Variants in PROM1 observed in about 807,000 individuals in gnomAD.
PROM1 encodes the protein prominin 1.
PROM1 carries 105 observed loss-of-function variants against 116.9 expected under a neutral mutation model. The ratio of observed to expected loss-of-function variants is 0.90; its 90% CI spans 0.77 to 1.06. PROM1 has a LOEUF of 1.06. Ranked by LOEUF, PROM1 falls within the 50% of genes least tolerant of loss-of-function variation. PROM1 has a pLI of 0.00. For missense variants in PROM1, 1,122 were observed against 1,045.2 expected (o/e 1.07, Z -1.01); for synonymous variants, 393 against 387.0 (o/e 1.02, Z -0.18).
At chr4:16,058,105 T>C (rs1454856895) in intron 2 of PROM1, among the ~76,000 whole-genome samples, 14 of 152,090 alleles carry the variant, frequency 9.2e-5, no homozygotes, top group Non-Finnish European at 1.5e-5. Context: ...AATCAACAAA[T>C]GCCTCAACAA....
In PROM1 at chr4:16,060,691, T is replaced by C. The variant is rs555030441; in HGVS notation, c.220+14996A>G. ...CCAAACGAATGAATGAATGGTGGCA[T>C]ACAAAACTTGGTGATCATTAATTAC... On this transcript the variant is annotated intron_variant, in intron 2 of 27. Coordinates refer to ENST00000447510, the MANE Select transcript of PROM1 (RefSeq NM_006017.3). 2.6e-4 allele frequency among the ~76,000 whole-genome samples: 40 copies of C among 152,344 alleles called. 1 individual carries two copies. The highest frequency in any genetic ancestry group is 2.0e-4 in the Admixed American group (3 of 15,304).
chr4:16,031,622 A>T (rs1458486348), intron 5 of PROM1, among the ~76,000 whole-genome samples: 1 of 152,162 alleles, frequency 6.6e-6, no homozygotes, highest in African/African-American at 2.4e-5. Flanking sequence ...TGACAGAAAA[A>T]TACAGAGAGG....
Position 16,018,511 on chromosome 4 carries a change from T to A in PROM1, c.814A>T (p.Asn272Tyr). 6.2e-7 allele frequency: 1 copy of A among 1,611,410 alleles called. No individual in the cohort carries two copies. Among genetic ancestry groups the A allele is most frequent in the Non-Finnish European group, 8.5e-7 (1 of 1,179,344 alleles). Residue 272 changes from asparagine (N) to tyrosine (Y), a missense_variant, in exon 9 of 28, where the codon AAC (asparagine) becomes TAC (tyrosine). By Grantham distance (143) the Asn-to-Tyr change is moderately radical (BLOSUM62 -2). Transcript: ENST00000447510. ...AAGCTCTTCAAGGTGCTGTTCATGT[T>A]CTCCAACGCCTCTTTGGTCTCCTTG... ...AIKETKEALE[N>Y]MNSTLKSLHQ...
intron 26 of PROM1, among the ~76,000 whole-genome samples, chr4:15,977,661 C>T (rs978431945): frequency 1.3e-5 from 2 of 152,172 alleles, no homozygotes; most frequent in African/African-American, 4.8e-5. Flanking sequence ...TGCAGTGGCA[C>T]GATCTCAGCT....
intron 5 of PROM1, among the ~76,000 whole-genome samples, chr4:16,032,395 G>C (rs188931117): frequency 6.4e-4 from 97 of 152,182 alleles, no homozygotes; most frequent in African/African-American, 2.3e-3. Flanking sequence ...AGGACTTACT[G>C]TTTTCTGTTA....
chr4:16,011,954 T>G (rs1726972975), intron 11 of PROM1, among the ~76,000 whole-genome samples: 1 of 152,234 alleles, frequency 6.6e-6, no homozygotes, highest in South Asian at 2.1e-4. Flanking sequence ...AAATAGAAGA[T>G]AGCTTTACAT....
intron 13 of PROM1, among the ~76,000 whole-genome samples, chr4:16,001,343 G>C (rs1220768078): frequency 6.6e-6 from 1 of 152,176 alleles, no homozygotes; most frequent in Non-Finnish European, 1.5e-5. Flanking sequence ...GACTGTGTAG[G>C]AGTCAGTATG....
At position 15,974,088 on chromosome 4, in the gene PROM1, C is replaced by T. The variant is rs546946192; in HGVS notation, c.2583-3006G>A. Among the ~76,000 whole-genome samples the T allele has an allele frequency of 4.1e-5, 6 of 146,480 alleles. No individual in the cohort carries two copies. In the South Asian group the frequency reaches 1.4e-3, roughly 33 times the overall value. On this transcript the variant is annotated intron_variant, in intron 26 of 27. Transcript: ENST00000447510. ...AAGTTTACACACACACATACAGACA[C>T]ACACACACAGACACACACACTCTCT...
At chr4:16,014,942 A>G (rs181449142) in intron 10 of PROM1, among the ~76,000 whole-genome samples, 1 of 152,252 alleles carries the variant, frequency 6.6e-6, no homozygotes, top group Non-Finnish European at 1.5e-5. Context: ...GGAGACATTA[A>G]AGAAATAATT....
intron 8 of PROM1, among the ~76,000 whole-genome samples, chr4:16,020,933 T>C (rs1284667792): frequency 1.3e-5 from 2 of 152,106 alleles, no homozygotes; most frequent in Non-Finnish European, 2.9e-5. Flanking sequence ...GGAAAAGATA[T>C]CTAAGGTTCT....
intron 2 of PROM1, among the ~76,000 whole-genome samples, chr4:16,071,269 ACTTT>A (rs906291692): frequency 6.6e-6 from 1 of 152,166 alleles, no homozygotes; most frequent in Non-Finnish European, 1.5e-5. Flanking sequence ...GAACGCAGGG[ACTTT>A]CAATAAATGC....
intron 17 of PROM1, 100 bp downstream of exon 17, chr4:15,992,148 T>C: frequency 2.7e-6 from 4 of 1,473,094 alleles, no homozygotes; most frequent in Middle Eastern, 1.8e-4. Context: ...TCTTACATCA[T>C]GTGAATCTCA....
chr4:15,983,050 C>T (rs1560398252), intron 23 of PROM1, among the ~76,000 whole-genome samples: 1 of 152,154 alleles, frequency 6.6e-6, no homozygotes, highest in Non-Finnish European at 1.5e-5. Flanking sequence ...GCACTGGTGA[C>T]TCATGGAGTG....
At chr4:16,000,205 C>A (rs1451749492) in intron 14 of PROM1, among the ~76,000 whole-genome samples, 1 of 152,188 alleles carries the variant, frequency 6.6e-6, no homozygotes, top group African/African-American at 2.4e-5. Flanking sequence ...TCTTTTCTCC[C>A]CAAATACTGC....
chr4:16,025,189 TACC>T lies in PROM1; in HGVS notation c.630_630+2del, dbSNP rs1730937270. The T allele has an allele frequency of 8.7e-6, 14 of 1,613,474 alleles. No homozygotes were observed. Among genetic ancestry groups the T allele is most frequent in the African/African-American group, 1.3e-5 (1 of 74,926 alleles). On this transcript the variant is annotated splice_donor_variant and coding_sequence_variant, in exon 6 of 28. Coordinates refer to ENST00000447510, the MANE Select transcript of PROM1 (RefSeq NM_006017.3). LOFTEE classifies it high-confidence loss of function. ...CGCGGTACATAGAGATGATGGTTTT[TACC>T]TCTGGAGTTTCATTCAAGAGAGTTC...
intron 26 of PROM1, 144 bp downstream of exon 26, chr4:15,979,251 G>T: frequency 7.7e-7 from 1 of 1,293,908 alleles, no homozygotes; most frequent in East Asian, 2.5e-5. Context: ...ACACTATGTA[G>T]AGCATGATTG....
chr4:16,019,871 T>TAC (rs3040447), intron 8 of PROM1, among the ~76,000 whole-genome samples: 16,802 of 148,036 alleles, frequency 0.11, 1,054 homozygotes, highest in East Asian at 0.25. Context: ...GTGTTAAAAA[T>TAC]ACACACACAC....
At chr4:16,069,924 T>C (rs1022593918) in intron 2 of PROM1, among the ~76,000 whole-genome samples, 17 of 152,156 alleles carry the variant, frequency 1.1e-4, no homozygotes, top group African/African-American at 3.6e-4. Flanking sequence ...AGCTGGGTGT[T>C]TGCTTTATTT....
chr4:15,984,458 C>G, intron 22 of PROM1, 103 bp from the exon 23 acceptor site: 1 of 821,272 alleles, frequency 1.2e-6, no homozygotes, highest in Non-Finnish European at 1.9e-6. Context: ...AAAAGGATCT[C>G]CATGTCCTCT....
Sources: gnomAD v4.1 joint callset for allele counts (sites outside exome capture counted in the v4.1 genomes callset) on GRCh38, gnomAD v4.1.1 for gene constraint, MANE v1.5 for transcripts, NCBI Gene and HGNC (gene_info 2026-07-23, HGNC 2026-07-21) for gene names.